Variants in ALPK2 observed in about 807,000 individuals in gnomAD.
ALPK2 encodes the protein alpha-protein kinase 2.
Under a neutral mutation model 163.1 loss-of-function variants are expected in ALPK2, and 127 were observed. The ratio of observed to expected loss-of-function variants is 0.78; its 90% CI spans 0.67 to 0.90. ALPK2 has a LOEUF of 0.90. Among genes scored for constraint, ALPK2 ranks in the 40% least tolerant of loss-of-function variants. ALPK2 has a pLI of 0.00. For synonymous variants in ALPK2, 953 were observed against 959.1 expected (o/e 0.99, Z 0.12); for missense variants, 2,360 against 2,589.6 (o/e 0.91, Z 1.92).
chr18:58,560,929 G>A (rs959904026), intron 4 of ALPK2, among the ~76,000 whole-genome samples: 1 of 152,208 alleles, frequency 6.6e-6, no homozygotes, highest in Non-Finnish European at 1.5e-5. Flanking sequence ...GCCAGTGAGA[G>A]ATTTACTTTT....
rs1394719852 is a variant in ALPK2 at position 58,536,797 on chromosome 18, T to C, written c.3390A>G (p.Gly1130=). 1 of 1,614,198 alleles carries C rather than the reference T, an allele frequency of 6.2e-7. No homozygotes were observed. The highest frequency in any genetic ancestry group is 1.1e-5 in the South Asian group (1 of 91,084). Residue 1130 remains glycine, a synonymous_variant, in exon 5 of 13, where the codon GGA becomes GGG. Coordinates refer to ENST00000361673, the MANE Select transcript of ALPK2 (RefSeq NM_052947.4). The part of the protein sequence containing the change: ...RSYEENFQER[G]SETKQGVQQQ... ...GCTGGACCCCCTGCTTTGTTTCACT[T>C]CCTCTTTCTTGGAAATTCTCTTCAT...
intron 4 of ALPK2, among the ~76,000 whole-genome samples, chr18:58,549,533 C>G (rs984724531): frequency 7.9e-5 from 12 of 152,176 alleles, no homozygotes; most frequent in East Asian, 3.9e-4. Flanking sequence ...GTGATTTGAG[C>G]TAGGAAGGCA....
chr18:58,562,284 A>G (rs557993221), intron 4 of ALPK2, among the ~76,000 whole-genome samples: 1 of 152,366 alleles, frequency 6.6e-6, no homozygotes, highest in African/African-American at 2.4e-5. Flanking sequence ...CTCTACCATC[A>G]GTGCAGACTT....
At chr18:58,506,526 A>G (rs903146420) in intron 10 of ALPK2, among the ~76,000 whole-genome samples, 13 of 152,144 alleles carry the variant, frequency 8.5e-5, no homozygotes, top group Admixed American at 7.2e-4. Context: ...GAAACAATCA[A>G]TTCATTCAAT....
chr18:58,621,472 T>C (rs560419475), intron 1 of ALPK2, among the ~76,000 whole-genome samples: 34 of 152,140 alleles, frequency 2.2e-4, no homozygotes, highest in South Asian at 4.2e-4. Context: ...AGGGTTTCAC[T>C]GTGTTAGCCA....
intron 12 of ALPK2, among the ~76,000 whole-genome samples, chr18:58,494,572 T>G (rs952483103): frequency 6.6e-6 from 1 of 152,164 alleles, no homozygotes; most frequent in Non-Finnish European, 1.5e-5. Flanking sequence ...ATGGGAATTT[T>G]TTTTTTTAAA....
chr18:58,584,090 AAAT>A (rs1233511177), intron 3 of ALPK2, among the ~76,000 whole-genome samples: 1 of 152,022 alleles, frequency 6.6e-6, no homozygotes, highest in African/African-American at 2.4e-5. Flanking sequence ...CTTAACAACT[AAAT>A]AAACAGATGG....
At position 58,592,872 on chromosome 18, in the gene ALPK2, C is replaced by T. The variant is rs536278351; in HGVS notation, c.228-12324G>A. Among the ~76,000 whole-genome samples the T allele has an allele frequency of 6.6e-5, 10 of 152,268 alleles. No individual in the cohort carries two copies. In the South Asian group the frequency reaches 1.2e-3, roughly 19 times the overall value. On this transcript the variant is annotated intron_variant, in intron 3 of 12. Coordinates refer to ENST00000361673, the MANE Select transcript of ALPK2 (RefSeq NM_052947.4). ...GACAATAGCTGAACCTCCATCAACC[C>T]GGTGACATGAGGATTAAGGGATTAA...
chr18:58,481,498 C>T lies in ALPK2; in HGVS notation c.*325G>A, dbSNP rs1490536266. 2.3e-5 allele frequency: 7 copies of T among 300,976 alleles called. No individual in the cohort carries two copies. Among genetic ancestry groups the T allele is most frequent in the Admixed American group, 1.4e-4 (3 of 20,846 alleles). 18.6% of individuals were successfully genotyped at this position (300,976 alleles called of 1,614,324 possible). ...CAGACTCTTCTCAGCACCAGGTCCT[C>T]GACAGCACAACCATGTGCAAATACA... On this transcript the variant is annotated 3_prime_UTR_variant, in exon 13 of 13. Transcript: ENST00000361673.
chr18:58,505,187 C>T (rs2051455642), intron 10 of ALPK2, among the ~76,000 whole-genome samples: 1 of 151,968 alleles, frequency 6.6e-6, no homozygotes, highest in Admixed American at 6.6e-5. Context: ...GAGACCGGGG[C>T]CAGGTAATGA....
Position 58,580,250 on chromosome 18 carries a change from A to C in ALPK2, c.526T>G (p.Ser176Ala), listed in dbSNP as rs771158284. ...SKSNHSLSLQSLGNLDISVSS... is the reference protein window; with the variant it reads ...SKSNHSLSLQALGNLDISVSS... ...ACACTAATGTCAAGATTGCCCAATG[A>C]CTGGAGGGAGAGTGAATGGTTGGAT... Residue 176 changes from serine to alanine, a missense_variant, in exon 4 of 13, where the codon TCA (serine) becomes GCA (alanine). By Grantham distance (99) the Ser-to-Ala change is moderately conservative. Transcript: ENST00000361673. The C allele has an allele frequency of 1.2e-6, 2 of 1,614,198 alleles. No homozygotes were observed. The highest frequency in any genetic ancestry group is 1.7e-5 in the Admixed American group (1 of 60,024).
rs777017717 is a variant in ALPK2 at position 58,579,347 on chromosome 18, C to G, written c.1429G>C (p.Glu477Gln). The change falls in exon 4 of 13, where the codon GAG (glutamate) becomes CAG (glutamine). Residue 477 changes from glutamate (E) to glutamine (Q), a missense_variant. Physicochemically the swap from Glu to Gln is conservative, Grantham distance 29. Transcript: ENST00000361673. The part of the protein sequence containing the change: ...GETRDSHQAR[E>Q]EFASDNLLNM... ...AGCAGATTGTCACTGGCAAATTCCT[C>G]TCTTGCTTGGTGGCTGTCTCTGGTT... The G allele has an allele frequency of 3.7e-6, 6 of 1,614,086 alleles. No homozygotes were observed. The African/African-American group carries it at 4.0e-5, about 11-fold the overall frequency.
intron 12 of ALPK2, among the ~76,000 whole-genome samples, chr18:58,486,774 G>A (rs1004934833): frequency 4.6e-5 from 7 of 152,150 alleles, no homozygotes; most frequent in African/African-American, 9.7e-5. Flanking sequence ...GCTTTGACCC[G>A]TTCTCACAAA....
At chr18:58,555,383 A>T (rs1298973531) in intron 4 of ALPK2, among the ~76,000 whole-genome samples, 1 of 152,222 alleles carries the variant, frequency 6.6e-6, no homozygotes, top group East Asian at 1.9e-4. Flanking sequence ...ACAATGGCTA[A>T]GTCTAATCAT....
intron 4 of ALPK2, 171 bp from the exon 5 acceptor site, chr18:58,538,395 A>C: frequency 1.5e-6 from 1 of 661,924 alleles, no homozygotes; most frequent in Non-Finnish European, 2.4e-6. Context: ...ATTTCCTAGA[A>C]AACTGCAAAT....
In ALPK2 at chr18:58,535,360, AG is replaced by A; in HGVS notation, c.4826del (p.Pro1609LeufsTer14). On this transcript the variant is annotated frameshift_variant, in exon 5 of 13. Coordinates refer to ENST00000361673, the MANE Select transcript of ALPK2 (RefSeq NM_052947.4). The stretch of plus-strand genomic sequence containing the variant: ...CATTTCCTTCAGGAGATGAAGTACA[AG>A]GGAACCTGGTAAGATCAGGAGAAGA... Reference protein sequence around the residue: ...LPSSPDLTRFPCTSSPEGNVT... With the variant: ...LPSSPDLTRFXCTSSPEGNVT... 6.2e-7 allele frequency: 1 copy of A among 1,614,174 alleles called. No individual in the cohort carries two copies. The highest frequency in any genetic ancestry group is 2.2e-5 in the East Asian group (1 of 44,894).
At chr18:58,621,465 G>A (rs551230177) in intron 1 of ALPK2, among the ~76,000 whole-genome samples, 55 of 152,030 alleles carry the variant, frequency 3.6e-4, no homozygotes, top group Non-Finnish European at 7.4e-4. Flanking sequence ...TAGAGACAGG[G>A]TTTCACTGTG....
intron 12 of ALPK2, among the ~76,000 whole-genome samples, chr18:58,491,252 G>A (rs1021774043): frequency 6.6e-6 from 1 of 152,216 alleles, no homozygotes; most frequent in Non-Finnish European, 1.5e-5. Flanking sequence ...GAGGAACTTA[G>A]TTTATAGTTT....
At chr18:58,606,669 C>T (rs778267179) in intron 3 of ALPK2, among the ~76,000 whole-genome samples, 1 of 152,178 alleles carries the variant, frequency 6.6e-6, no homozygotes, top group Non-Finnish European at 1.5e-5. Context: ...TTGAAGAACC[C>T]TCAGGCTCCT....
Sources: allele counts gnomAD v4.1 joint callset (sites outside exome capture counted in the v4.1 genomes callset), GRCh38; gene constraint gnomAD v4.1.1; transcripts MANE v1.5; gene names NCBI Gene and HGNC (gene_info 2026-07-23, HGNC 2026-07-21).